Variants in AUNIP observed in about 807,000 individuals in gnomAD.
AUNIP encodes aurora kinase A- and ninein-interacting protein.
AUNIP carries 16 observed loss-of-function variants against 12.2 expected under a neutral mutation model. The ratio of observed to expected loss-of-function variants is 1.31; its 90% CI spans 0.88 to 1.99. The LOEUF is 1.99. Ranked by LOEUF, AUNIP falls within the 30% of genes most tolerant of loss-of-function variation. The pLI is 0.00. For missense variants in AUNIP, 411 were observed against 419.1 expected, an observed-to-expected ratio of 0.98 and a Z score of 0.17; for synonymous variants, 142 against 154.8, an observed-to-expected ratio of 0.92 and a Z score of 0.61.
Position 25,835,651 on chromosome 1 carries a change from G to T in AUNIP, c.416C>A (p.Thr139Asn). 6.2e-7 allele frequency: 1 copy of T among 1,614,254 alleles called. No homozygotes were observed. Among genetic ancestry groups the T allele is most frequent in the Non-Finnish European group, 8.5e-7 (1 of 1,180,038 alleles). Residue 139 changes from threonine (T) to asparagine (N), a missense_variant, in exon 3 of 3, where the codon ACT (threonine) becomes AAT (asparagine). By Grantham distance (65) the Thr-to-Asn change is moderately conservative. Transcript: ENST00000374298. ...EAGLSPQSLQ[T>N]SGHHRMKTPF... ...GGTTTTCATTCTGTGGTGGCCAGAA[G>T]TCTGGAGGGACTGAGGAGAGAGTCC...
chr1:25,858,244 A>G (rs1028884247), intron 1 of AUNIP, among the ~76,000 whole-genome samples: 17 of 152,366 alleles, frequency 1.1e-4, no homozygotes, highest in South Asian at 2.1e-4. Flanking sequence ...GACAAAATCT[A>G]CTTTACTGAA....
At chr1:25,836,353 G>A (rs1468446186) in intron 2 of AUNIP, among the ~76,000 whole-genome samples, 3 of 152,178 alleles carry the variant, frequency 2.0e-5, no homozygotes, top group Non-Finnish European at 4.4e-5. Flanking sequence ...GTGACAGTGT[G>A]AAAAACGTGG....
chr1:25,835,056 C>T lies in AUNIP; in HGVS notation c.1011G>A (p.Leu337=). 1 of 1,614,238 alleles carries T rather than the reference C, an allele frequency of 6.2e-7. No individual in the cohort carries two copies. Reference sequence around the variant, plus strand: ...CCTGGGTAAAGAGCAAATCAGGCTTCAGATTTTGAGTTGGCCCATCCTCCT... The same window carrying T: ...CCTGGGTAAAGAGCAAATCAGGCTTTAGATTTTGAGTTGGCCCATCCTCCT... ...QCQEDGPTQN[L]KPDLLFTQDS... is the part of the protein sequence containing the mutation. Residue 337 remains leucine (L), a synonymous_variant, in exon 3 of 3, where the codon CTG becomes CTA. Coordinates refer to ENST00000374298, the MANE Select transcript of AUNIP (RefSeq NM_024037.3).
At chr1:25,842,339 T>G (rs2048352529) in intron 1 of AUNIP, among the ~76,000 whole-genome samples, 1 of 152,242 alleles carries the variant, frequency 6.6e-6, no homozygotes, top group Non-Finnish European at 1.5e-5. Context: ...AGGCTTTAAC[T>G]TGAATTCAAT....
rs1322791433 is a variant in AUNIP at position 25,847,596 on chromosome 1, C to T, written c.79-10042G>A. Among the ~76,000 whole-genome samples, 1 of 152,090 alleles carries T rather than the reference C, an allele frequency of 6.6e-6. No homozygotes were observed. Among genetic ancestry groups the T allele is most frequent in the South Asian group, 2.1e-4 (1 of 4,828 alleles). ...AACATTTAAGCAATCCCCTACTAAG[C>T]CTATTTAGGTCCTTCTTGAGCGTAC... On this transcript the variant is annotated intron_variant, in intron 1 of 2. Coordinates refer to ENST00000374298, the MANE Select transcript of AUNIP (RefSeq NM_024037.3). This position sits in a 1 kb window ranked among gnomAD's most constrained non-coding sequence, Gnocchi z 4.2.
At chr1:25,853,942 G>A (rs1385734100) in intron 1 of AUNIP, among the ~76,000 whole-genome samples, 2 of 152,194 alleles carry the variant, frequency 1.3e-5, no homozygotes, top group African/African-American at 4.8e-5. Flanking sequence ...ACGGCCCGGC[G>A]CAGTGGCTCA....
At chr1:25,846,243 A>T (rs2048382320) in intron 1 of AUNIP, among the ~76,000 whole-genome samples, 1 of 151,898 alleles carries the variant, frequency 6.6e-6, no homozygotes, top group African/African-American at 2.4e-5. Flanking sequence ...ACATAGTGAA[A>T]CCTCATCTCT....
At chr1:25,846,310 T>C (rs2048382689) in intron 1 of AUNIP, among the ~76,000 whole-genome samples, 1 of 149,496 alleles carries the variant, frequency 6.7e-6, no homozygotes, top group South Asian at 2.1e-4. Context: ...TCCCAGCTAC[T>C]TGGGAGGCTG....
chr1:25,858,039 C>T (rs1434578459), intron 1 of AUNIP, among the ~76,000 whole-genome samples: 2 of 152,038 alleles, frequency 1.3e-5, no homozygotes, highest in African/African-American at 2.4e-5. Flanking sequence ...TGGTGGTGGC[C>T]GCCTGTAGTC....
chr1:25,853,119 A>G (rs1452156618), intron 1 of AUNIP, among the ~76,000 whole-genome samples: 1 of 152,086 alleles, frequency 6.6e-6, no homozygotes, highest in Non-Finnish European at 1.5e-5. Flanking sequence ...AGACTGTTCT[A>G]TATTTTTGTC....
At position 25,835,824 on chromosome 1, in the gene AUNIP, C is replaced by T. The variant is rs2048298622; in HGVS notation, c.243G>A (p.Gln81=). 2 of 1,613,456 alleles carry T rather than the reference C, an allele frequency of 1.2e-6. No individual in the cohort carries two copies. The highest frequency in any genetic ancestry group is 1.7e-6 in the Non-Finnish European group (2 of 1,179,484). ...LQPGKTNGSD[Q]KSVSSHTESQ... is the part of the protein sequence containing the mutation. ...TTTCTGTATGAGATGAAACACTCTT[C>T]TGGTCACTGCCATTTGTCTTTCCTA... The change falls in exon 3 of 3, where the codon CAG becomes CAA. Residue 81 remains glutamine (Q), a synonymous_variant. Coordinates refer to ENST00000374298, the MANE Select transcript of AUNIP (RefSeq NM_024037.3).
intron 1 of AUNIP, among the ~76,000 whole-genome samples, chr1:25,848,876 AC>A (rs2048405897): frequency 6.6e-6 from 1 of 152,242 alleles, no homozygotes; most frequent in Non-Finnish European, 1.5e-5. Flanking sequence ...CTAGGAGGAC[AC>A]CGGAAGATTT....
chr1:25,848,278 C>A (rs1184277416), intron 1 of AUNIP, among the ~76,000 whole-genome samples: 1 of 151,964 alleles, frequency 6.6e-6, no homozygotes, highest in Admixed American at 6.6e-5. Flanking sequence ...TGCGGTGGCT[C>A]GTGCCTGTAA....
intron 1 of AUNIP, among the ~76,000 whole-genome samples, chr1:25,842,373 G>C (rs946536272): frequency 2.0e-5 from 3 of 152,182 alleles, no homozygotes; most frequent in Non-Finnish European, 2.9e-5. Context: ...AGAGAGGTGA[G>C]GAACGCCACA....
chr1:25,858,552 T>G (rs946211594), intron 1 of AUNIP, among the ~76,000 whole-genome samples: 2 of 152,178 alleles, frequency 1.3e-5, no homozygotes, highest in Admixed American at 1.3e-4. Context: ...CATGAATGAT[T>G]ATTATGTCGC....
chr1:25,838,518 A>G (rs1302102109), intron 1 of AUNIP, among the ~76,000 whole-genome samples: 1 of 152,150 alleles, frequency 6.6e-6, no homozygotes, highest in African/African-American at 2.4e-5. Context: ...AAAAAAAGGA[A>G]AAAAGAAAAT....
At chr1:25,837,593 T>C in intron 1 of AUNIP, 39 bp from the exon 2 acceptor site, 1 of 1,585,544 alleles carries the variant, frequency 6.3e-7, no homozygotes. Flanking sequence ...AGCCTATTAA[T>C]ATTAAAAGAC....
At chr1:25,831,995 A>G (rs752751670), downstream of AUNIP, 5 of 1,614,114 alleles carry the variant, frequency 3.1e-6, no homozygotes, top group East Asian at 2.2e-5. Context: ...TTTGCTCTAA[A>G]GGAAGAAGAT....
Position 25,835,463 on chromosome 1 carries a change from G to T in AUNIP, c.604C>A (p.His202Asn). 6.2e-7 allele frequency: 1 copy of T among 1,614,216 alleles called. No individual in the cohort carries two copies. Among genetic ancestry groups the T allele is most frequent in the Non-Finnish European group, 8.5e-7 (1 of 1,180,056 alleles). The stretch of plus-strand genomic sequence containing the variant: ...CTCTGATAGTTCTTCTTAGACTCAT[G>T]AAGCCATTCCCATTTCCTGGCAGAA... The part of the protein sequence containing the change: ...GDSARKWEWL[H>N]ESKKNYQSME... The change falls in exon 3 of 3, where the codon CAT (histidine) becomes AAT (asparagine). Residue 202 changes from histidine to asparagine, a missense_variant. His to Asn is a moderately conservative substitution (Grantham distance 68). Transcript: ENST00000374298.
Sources: gnomAD v4.1 joint callset for allele counts (sites outside exome capture counted in the v4.1 genomes callset) on GRCh38, gnomAD v4.1.1 for gene constraint, Gnocchi (gnomAD v3.1) non-coding constraint, MANE v1.5 for transcripts, NCBI Gene and HGNC (gene_info 2026-07-23, HGNC 2026-07-21) for gene names.